CEP128: variants seen among roughly 807,000 people sequenced by gnomAD.
CEP128 encodes the protein centrosomal protein 128kDa.
A neutral mutation model predicts 156.7 loss-of-function variants in CEP128; 132 were observed. The ratio of observed to expected loss-of-function variants is 0.84; its 90% CI spans 0.73 to 0.97. CEP128 has a LOEUF of 0.97. Among genes scored for constraint, CEP128 ranks in the 50% least tolerant of loss-of-function variants. The probability of loss-of-function intolerance (pLI) is 0.00; values close to 1 mark genes in which losing one functional copy is unlikely to be tolerated. For missense variants in CEP128, 1,252 were observed against 1,281.9 expected, an observed-to-expected ratio of 0.98 and a Z score of 0.36; for synonymous variants, 469 against 448.9, an observed-to-expected ratio of 1.04 and a Z score of -0.57.
chr14:80,668,739 TC>T (rs200321391), intron 19 of CEP128, among the ~76,000 whole-genome samples: 1,600 of 152,258 alleles, frequency 0.011, 9 homozygotes, highest in Middle Eastern at 0.024. Flanking sequence ...TTTGGCTGTG[TC>T]CCCACCCAAA....
intron 15 of CEP128, among the ~76,000 whole-genome samples, chr14:80,782,700 A>AT (rs1901190011): frequency 1.3e-5 from 2 of 151,922 alleles, no homozygotes; most frequent in South Asian, 2.1e-4. Context: ...ATATACTCTT[A>AT]TTTTTTATCA....
chr14:80,510,021 T>C (rs1016932043), intron 23 of CEP128, among the ~76,000 whole-genome samples: 3 of 152,228 alleles, frequency 2.0e-5, no homozygotes, highest in African/African-American at 7.2e-5. Context: ...TTTTGGTTAC[T>C]ATAGCTCTGT....
chr14:80,640,593 A>G (rs751438575), intron 19 of CEP128, among the ~76,000 whole-genome samples: 8 of 152,062 alleles, frequency 5.3e-5, no homozygotes, highest in Non-Finnish European at 5.9e-5. Context: ...ATTTCTCTAT[A>G]TGCTTTTCTG....
chr14:80,718,992 T>C (rs1897712510), intron 19 of CEP128, among the ~76,000 whole-genome samples: 2 of 152,178 alleles, frequency 1.3e-5, no homozygotes, highest in South Asian at 4.1e-4. Context: ...GCAGGACTTG[T>C]TTTCTGGACT....
intron 19 of CEP128, among the ~76,000 whole-genome samples, chr14:80,599,417 C>T (rs1168106267): frequency 2.0e-5 from 3 of 151,750 alleles, no homozygotes; most frequent in Non-Finnish European, 4.4e-5. Context: ...GGATGACAGG[C>T]ACCCGCCACC....
intron 18 of CEP128, among the ~76,000 whole-genome samples, chr14:80,745,300 C>T (rs1300897354): frequency 2.0e-5 from 3 of 152,138 alleles, no homozygotes; most frequent in Non-Finnish European, 2.9e-5. Flanking sequence ...GCCTCCCCAA[C>T]CAAGCCTCCT....
At chr14:80,927,274 C>T (rs1358322738) in intron 2 of CEP128, among the ~76,000 whole-genome samples, 1 of 152,210 alleles carries the variant, frequency 6.6e-6, no homozygotes, top group Non-Finnish European at 1.5e-5. Context: ...GGCACAGGTG[C>T]AGTGCTGGGC....
At chr14:80,713,144 G>GCCTCCCCATTGCT (rs1779461020) in intron 19 of CEP128, among the ~76,000 whole-genome samples, 1 of 152,072 alleles carries the variant, frequency 6.6e-6, no homozygotes, top group Non-Finnish European at 1.5e-5. Flanking sequence ...GTAAAAAGCA[G>GCCTCCCCATTGCT]CCTCCCCATT....
chr14:80,756,753 C>T (rs1393024120), intron 18 of CEP128, 139 bp downstream of exon 18: 1 of 619,290 alleles, frequency 1.6e-6, no homozygotes, highest in African/African-American at 1.9e-5. Flanking sequence ...CCTAAGTGGA[C>T]TGCAGTGATA....
intron 22 of CEP128, among the ~76,000 whole-genome samples, chr14:80,527,421 G>A (rs1433940971): frequency 3.3e-5 from 5 of 149,736 alleles, no homozygotes; most frequent in Non-Finnish European, 7.4e-5. Flanking sequence ...AAAGAGCAAG[G>A]CTCTGTCTAA....
chr14:80,499,371 CT>C (rs1424459760), intron 24 of CEP128, among the ~76,000 whole-genome samples: 2 of 152,118 alleles, frequency 1.3e-5, no homozygotes, highest in East Asian at 1.9e-4. Flanking sequence ...ACTAACTTTT[CT>C]TTTTATAGCA....
intron 19 of CEP128, among the ~76,000 whole-genome samples, chr14:80,679,559 G>A (rs1329913583): frequency 6.6e-6 from 1 of 152,118 alleles, no homozygotes; most frequent in Non-Finnish European, 1.5e-5. Flanking sequence ...GGTCAGACTG[G>A]CTCTCTGCTC....
intron 13 of CEP128, among the ~76,000 whole-genome samples, chr14:80,804,835 G>T (rs138763692): frequency 6.6e-6 from 1 of 152,098 alleles, no homozygotes; most frequent in Non-Finnish European, 1.5e-5. Flanking sequence ...ATTGTATATT[G>T]CATATAACAT....
chr14:80,549,747 T>C, intron 21 of CEP128, among the ~76,000 whole-genome samples: 1 of 152,182 alleles, frequency 6.6e-6, no homozygotes. Flanking sequence ...AGAGCACAAT[T>C]TAGTGTCCTA....
At chr14:80,533,254 C>A (rs1290277110) in intron 21 of CEP128, among the ~76,000 whole-genome samples, 1 of 152,044 alleles carries the variant, frequency 6.6e-6, no homozygotes, top group Non-Finnish European at 1.5e-5. Context: ...GATTTTAAAT[C>A]AAAATTTTAT....
At chr14:80,486,401 C>T (rs1318207873), downstream of CEP128, among the ~76,000 whole-genome samples, 1 of 151,920 alleles carries the variant, frequency 6.6e-6, no homozygotes, top group Non-Finnish European at 1.5e-5. Context: ...GATTGGTGTA[C>T]CTGAAAGTGA....
At chr14:80,640,867 A>T (rs1181848216) in intron 19 of CEP128, among the ~76,000 whole-genome samples, 1 of 152,084 alleles carries the variant, frequency 6.6e-6, no homozygotes, top group Non-Finnish European at 1.5e-5. Flanking sequence ...CTAAATCTAA[A>T]CTTGTTATTG....
intron 8 of CEP128, among the ~76,000 whole-genome samples, chr14:80,883,810 A>G (rs112026953): frequency 2.6e-5 from 4 of 152,318 alleles, no homozygotes; most frequent in African/African-American, 9.6e-5. Context: ...GAGGAACCAC[A>G]TCACCTGACT....
intron 2 of CEP128, among the ~76,000 whole-genome samples, chr14:80,956,412 C>A (rs766938286): frequency 2.6e-5 from 4 of 152,138 alleles, no homozygotes; most frequent in Non-Finnish European, 4.4e-5. Context: ...TGAAATAGTA[C>A]GTCCAGAACC....
Sources: allele counts gnomAD v4.1 joint callset (sites outside exome capture counted in the v4.1 genomes callset), GRCh38; gene constraint gnomAD v4.1.1; transcripts MANE v1.5; gene names NCBI Gene and HGNC (gene_info 2026-07-23, HGNC 2026-07-21).